The following L1TD1 variants were observed in gnomAD, a reference collection of about 807,000 sequenced individuals.
L1TD1 encodes LINE1 type transposase domain containing 1, also known as LINE-1 type transposase domain-containing protein 1.
L1TD1 carries 26 observed loss-of-function variants against 25.7 expected under a neutral mutation model. That is an observed-to-expected ratio of 1.01 (90% confidence interval 0.74 to 1.40). L1TD1 has a LOEUF of 1.40. Among genes scored for constraint, L1TD1 ranks in the 40% most tolerant of loss-of-function variants. The probability of loss-of-function intolerance (pLI) is 0.00; values close to 1 mark genes in which losing one functional copy is unlikely to be tolerated. For missense variants in L1TD1, 1,130 were observed against 975.0 expected (o/e 1.16, Z -2.12); for synonymous variants, 421 against 335.6 (o/e 1.25, Z -2.78).
chr1:62,201,570 A>G (rs1670640082), intron 2 of L1TD1, among the ~76,000 whole-genome samples: 1 of 151,182 alleles, frequency 6.6e-6, no homozygotes, highest in Admixed American at 6.6e-5. Context: ...AAAAACAAAT[A>G]TTTTCCCCCA....
chr1:62,205,646 G>A (rs193260612), intron 2 of L1TD1, among the ~76,000 whole-genome samples: 1,620 of 151,430 alleles, frequency 0.011, 34 homozygotes, highest in African/African-American at 0.037. Context: ...GGCCAGGCTG[G>A]TCTTGAACTC....
At position 62,210,389 on chromosome 1, in the gene L1TD1, G is replaced by C. The variant is rs764250405; in HGVS notation, c.1615G>C (p.Ala539Pro). Residue 539 changes from alanine (A) to proline (P), a missense_variant, in exon 4 of 4, where the codon GCT (alanine) becomes CCT (proline). Transcript: ENST00000498273. ...VHKTQEEEET[A>P]VPTSQGTGTP... ...CAAAACCCAGGAGGAAGAGGAAACA[G>C]CTGTGCCCACAAGTCAAGGAACTGG... 1.2e-6 allele frequency: 2 copies of C among 1,614,004 alleles called. No individual in the cohort carries two copies. Among genetic ancestry groups the C allele is most frequent in the African/African-American group, 1.3e-5 (1 of 75,044 alleles).
Position 62,207,454 on chromosome 1 carries a change from T to C in L1TD1, c.826T>C (p.Phe276Leu), listed in dbSNP as rs139493385. The C allele has an allele frequency of 2.5e-4, 385 of 1,551,110 alleles. 2 individuals are homozygous for C. In the African/African-American group the frequency reaches 4.8e-3, roughly 19 times the overall value. ...GAGAGAAAATGATTTTGAACCTAAA[T>C]TTCTGTGTGAAGTTAAATTAGCATT... The part of the protein sequence containing the change: ...ILRENDFEPK[F>L]LCEVKLAFKC... Residue 276 changes from phenylalanine to leucine, a missense_variant, in exon 3 of 4, where the codon TTT becomes CTT. Transcript: ENST00000498273.
At chr1:62,195,950 T>C (rs2457822) in intron 1 of L1TD1, among the ~76,000 whole-genome samples, 110,244 of 151,502 alleles carry the variant, frequency 0.73, 40,153 homozygotes, top group Admixed American at 0.78. Context: ...GGCAGGAGAA[T>C]CGCTTGAACC....
chr1:62,209,439 A>G (rs1447884111), intron 3 of L1TD1, among the ~76,000 whole-genome samples: 1 of 152,202 alleles, frequency 6.6e-6, no homozygotes, highest in Non-Finnish European at 1.5e-5. Context: ...GGACTCTCAC[A>G]TACAATAAGC....
chr1:62,205,439 A>ATTTTTTTTTTTTTTC (rs1297750882), intron 2 of L1TD1, among the ~76,000 whole-genome samples: 1 of 44,234 alleles, frequency 2.3e-5, no homozygotes, highest in Non-Finnish European at 4.3e-5. Flanking sequence ...ATATATATAT[A>ATTTTTTTTTTTTTTC]TATATTTTTT....
At chr1:62,197,490 A>G (rs1670567453) in intron 2 of L1TD1, among the ~76,000 whole-genome samples, 1 of 149,810 alleles carries the variant, frequency 6.7e-6, no homozygotes, top group South Asian at 2.1e-4. Context: ...CATATATTCC[A>G]AATTTTTTAT....
Position 62,206,858 on chromosome 1 carries a change from T to A in L1TD1, c.230T>A (p.Leu77Gln). 1 of 1,613,068 alleles carries A rather than the reference T, an allele frequency of 6.2e-7. No individual in the cohort carries two copies. Among genetic ancestry groups the A allele is most frequent in the Non-Finnish European group, 8.5e-7 (1 of 1,179,642 alleles). Residue 77 changes from leucine (L) to glutamine (Q), a missense_variant, in exon 3 of 4, where the codon CTA (leucine) becomes CAA (glutamine). Transcript: ENST00000498273. ...ATGAGGGAAACTCTTAAAAATGACC[T>A]AAAAGCAGTTTTAGGGGGAAAAGCT... is the stretch of plus-strand genomic sequence containing the variant. ...EEMRETLKND[L>Q]KAVLGGKATI...
chr1:62,211,426 AATC>A lies in L1TD1; in HGVS notation c.*56_*58del. The A allele has an allele frequency of 6.6e-7, 1 of 1,521,180 alleles. No individual in the cohort carries two copies. The highest frequency in any genetic ancestry group is 1.3e-5 in the South Asian group (1 of 74,236). 94.2% of individuals were successfully genotyped at this position (1,521,180 alleles called of 1,614,324 possible). Reference sequence around the variant, plus strand: ...TTTCCTCCCCCAGCATGCATCCAAAAATCAACAAGTAAAACGAAAATACACTTC... The same window carrying A: ...TTTCCTCCCCCAGCATGCATCCAAAAAACAAGTAAAACGAAAATACACTTC... On this transcript the variant is annotated 3_prime_UTR_variant, in exon 4 of 4. Coordinates refer to ENST00000498273, the MANE Select transcript of L1TD1 (RefSeq NM_019079.5).
intron 1 of L1TD1, among the ~76,000 whole-genome samples, chr1:62,195,788 C>T (rs1453325382): frequency 6.6e-6 from 1 of 152,076 alleles, no homozygotes; most frequent in Non-Finnish European, 1.5e-5. Context: ...TGTTATTTTC[C>T]AGCACTTTGG....
At position 62,209,939 on chromosome 1, in the gene L1TD1, G is replaced by GA. The variant is rs756289638; in HGVS notation, c.1167dup (p.Glu390ArgfsTer8). On this transcript the variant is annotated frameshift_variant, in exon 4 of 4. Coordinates refer to ENST00000498273, the MANE Select transcript of L1TD1 (RefSeq NM_019079.5). LOFTEE classifies it low-confidence loss of function (END_TRUNC). ...GTTTTCCGAGCTAGAGGAGCTGGAT[G>GA]AAGAGGCCTCAGGGATGGAGGATGA... 1 of 1,612,886 alleles carries GA rather than the reference G, an allele frequency of 6.2e-7. No homozygotes were observed. The highest frequency in any genetic ancestry group is 8.5e-7 in the Non-Finnish European group (1 of 1,179,026).
rs1225565569 is a variant in L1TD1, at chr1:62,209,808, A to C, written c.1034A>C (p.His345Pro). 1 of 1,603,478 alleles carries C rather than the reference A, an allele frequency of 6.2e-7. No individual in the cohort carries two copies. Among genetic ancestry groups the C allele is most frequent in the African/African-American group, 1.3e-5 (1 of 74,312 alleles). ...GATAAAACCCTAATAGACTCAAAGC[A>C]TAGAGCTGGAGAAATAACCAGTGAT... ...KRDKTLIDSK[H>P]RAGEITSDGL... Residue 345 changes from histidine (H) to proline (P), a missense_variant, in exon 4 of 4, where the codon CAT (histidine) becomes CCT (proline). By Grantham distance (77) the His-to-Pro change is moderately conservative (BLOSUM62 -2). Transcript: ENST00000498273.
Position 62,211,065 on chromosome 1 carries a change from T to G in L1TD1, c.2291T>G (p.Phe764Cys), listed in dbSNP as rs1488948633. The G allele has an allele frequency of 6.4e-7, 1 of 1,550,700 alleles. No homozygotes were observed. Among genetic ancestry groups the G allele is most frequent in the Non-Finnish European group, 8.7e-7 (1 of 1,146,856 alleles). ...RLTPRHILVKFWNSSDKEKII... is the reference protein window; with the variant it reads ...RLTPRHILVKCWNSSDKEKII... ...ACTCCTAGACACATCTTGGTGAAAT[T>G]TTGGAATTCTAGTGATAAAGAGAAA... Residue 764 changes from phenylalanine to cysteine, a missense_variant, in exon 4 of 4, where the codon TTT becomes TGT. By Grantham distance (205) the Phe-to-Cys change is radical. Transcript: ENST00000498273.
At chr1:62,199,134 T>G (rs995001693) in intron 2 of L1TD1, among the ~76,000 whole-genome samples, 5 of 152,126 alleles carry the variant, frequency 3.3e-5, no homozygotes, top group Non-Finnish European at 7.3e-5. Flanking sequence ...GAATTCAGAG[T>G]ATCTGATATC....
rs534027338 is a variant in L1TD1, at chr1:62,196,489, C to G, written c.-150C>G. 6.6e-6 allele frequency: 1 copy of G among 152,310 alleles called. No homozygotes were observed. Among genetic ancestry groups the G allele is most frequent in the South Asian group, 2.1e-4 (1 of 4,826 alleles). 9.4% of individuals were successfully genotyped at this position (152,310 alleles called of 1,614,324 possible). On this transcript the variant is annotated 5_prime_UTR_variant, in exon 2 of 4. Transcript: ENST00000498273. ...AGTCCTGCTCTGCGGAGTTCGTCTT[C>G]CCAGCGAAGGTACAGAGGCGGATGA... is the stretch of plus-strand genomic sequence containing the variant.
At chr1:62,197,977 T>C (rs1246644554) in intron 2 of L1TD1, among the ~76,000 whole-genome samples, 1 of 152,108 alleles carries the variant, frequency 6.6e-6, no homozygotes, top group African/African-American at 2.4e-5. Flanking sequence ...GTTCAAAATA[T>C]GGCATGTCAC....
rs1173673155 is a variant in L1TD1, at chr1:62,210,011, C to T, written c.1237C>T (p.Leu413=). The change falls in exon 4 of 4, where the codon CTG becomes TTG. Residue 413 remains leucine (L), a synonymous_variant. Coordinates refer to ENST00000498273, the MANE Select transcript of L1TD1 (RefSeq NM_019079.5). ...GGAGGAGGAGGAAGAGCCCTCAGGGCTGGAGGAGGAAGAAGAAGAAGAGGC... is the reference window on the plus strand; with the variant it reads ...GGAGGAGGAGGAAGAGCCCTCAGGGTTGGAGGAGGAAGAAGAAGAAGAGGC... ...LEEEEEEPSG[L]EEEEEEEASG... 1.3e-6 allele frequency: 2 copies of T among 1,582,734 alleles called. No homozygotes were observed. The highest frequency in any genetic ancestry group is 2.8e-5 in the African/African-American group (2 of 71,800).
At chr1:62,199,185 C>T (rs971830923) in intron 2 of L1TD1, among the ~76,000 whole-genome samples, 4 of 152,126 alleles carry the variant, frequency 2.6e-5, no homozygotes, top group Non-Finnish European at 4.4e-5. Flanking sequence ...TGTCATTAAA[C>T]GCTAATCATA....
chr1:62,197,288 G>C (rs1031235925), intron 2 of L1TD1, among the ~76,000 whole-genome samples: 8 of 151,440 alleles, frequency 5.3e-5, no homozygotes, highest in Non-Finnish European at 8.8e-5. Flanking sequence ...GTGGGAGGCT[G>C]AGGCAGGAGA....
Sources: gnomAD v4.1 joint callset for allele counts (sites outside exome capture counted in the v4.1 genomes callset) on GRCh38, gnomAD v4.1.1 for gene constraint, MANE v1.5 for transcripts, NCBI Gene and HGNC (gene_info 2026-07-23, HGNC 2026-07-21) for gene names.